Variants in GTF2A1 observed in about 807,000 individuals in gnomAD.
The protein encoded by GTF2A1 is transcription initiation factor IIA subunit 1.
In GTF2A1, 12 loss-of-function variants were observed where a neutral mutation model predicts 54.1. That is an observed-to-expected ratio of 0.22 (90% CI 0.14 to 0.36). GTF2A1 has a LOEUF of 0.36. GTF2A1 is among the 10% of genes least tolerant of loss of function. GTF2A1 has a pLI of 1.00. For synonymous variants in GTF2A1, 145 were observed against 152.0 expected (o/e 0.95, Z 0.34); for missense variants, 335 against 442.2 (o/e 0.76, Z 2.17).
intron 4 of GTF2A1, 32 bp from the exon 5 acceptor site, chr14:81,197,516 A>C: frequency 8.7e-7 from 1 of 1,152,314 alleles, no homozygotes; most frequent in Non-Finnish European, 1.3e-6. Context: ...TATCAAAACC[A>C]CATACATGTA....
At chr14:81,195,289 AAC>A (rs1457466352) in intron 6 of GTF2A1, among the ~76,000 whole-genome samples, 1 of 151,970 alleles carries the variant, frequency 6.6e-6, no homozygotes, top group African/African-American at 2.4e-5. Context: ...CTGAGAAAAA[AAC>A]AGTGTCAAAC....
chr14:81,213,421 G>C (rs1893416569), intron 2 of GTF2A1, among the ~76,000 whole-genome samples: 1 of 152,152 alleles, frequency 6.6e-6, no homozygotes, highest in Admixed American at 6.5e-5. Flanking sequence ...AAAAGCGAGA[G>C]TAGATAACAA....
intron 8 of GTF2A1, among the ~76,000 whole-genome samples, chr14:81,180,921 T>C (rs141056867): frequency 6.6e-6 from 1 of 152,360 alleles, no homozygotes; most frequent in African/African-American, 2.4e-5. Context: ...TGACATTTCT[T>C]ACATTATTTG....
At chr14:81,199,465 G>A (rs1172040974) in intron 4 of GTF2A1, among the ~76,000 whole-genome samples, 6 of 152,030 alleles carry the variant, frequency 3.9e-5, no homozygotes, top group African/African-American at 4.8e-5. Context: ...ATTATCTCAC[G>A]TTTTTATGAT....
chr14:81,201,675 G>C lies in GTF2A1; in HGVS notation c.338-17C>G, dbSNP rs751628572. On this transcript the variant is annotated splice_polypyrimidine_tract_variant and intron_variant, in intron 3 of 8. Transcript: ENST00000553612. ...GTGCTGTGGCTACAAAAAAACAAGC[G>C]AACATGCAAACAAGGAACCATGAGG... The C allele has an allele frequency of 6.3e-7, 1 of 1,582,276 alleles. No homozygotes were observed. The highest frequency in any genetic ancestry group is 8.7e-7 in the Non-Finnish European group (1 of 1,151,726).
At position 81,187,848 on chromosome 14, in the gene GTF2A1, T is replaced by G. The variant is rs1283193871; in HGVS notation, c.934-2228A>C. On this transcript the variant is annotated intron_variant, in intron 7 of 8. Coordinates refer to ENST00000553612, the MANE Select transcript of GTF2A1 (RefSeq NM_015859.4). ...GTTCTCTTGTGTATATATTTAAGAG[T>G]GGAACTGCTGGGTCATATGGATAAT... is the stretch of plus-strand genomic sequence containing the variant. Among the ~76,000 whole-genome samples the G allele has an allele frequency of 3.9e-5, 6 of 152,182 alleles. No homozygotes were observed. In the East Asian group the frequency reaches 1.2e-3, roughly 29 times the overall value.
chr14:81,213,582 A>G (rs1179252371), intron 2 of GTF2A1, among the ~76,000 whole-genome samples: 1 of 152,206 alleles, frequency 6.6e-6, no homozygotes, highest in Non-Finnish European at 1.5e-5. Flanking sequence ...CAAAAAACTC[A>G]TTCCACGTTA....
At chr14:81,206,097 A>G (rs1320215498) in intron 2 of GTF2A1, among the ~76,000 whole-genome samples, 3 of 152,210 alleles carry the variant, frequency 2.0e-5, no homozygotes, top group Admixed American at 2.0e-4. Flanking sequence ...TTTATGCTTC[A>G]CTTTTACCAC....
chr14:81,199,476 T>G (rs1893058345), intron 4 of GTF2A1, among the ~76,000 whole-genome samples: 1 of 152,238 alleles, frequency 6.6e-6, no homozygotes, highest in African/African-American at 2.4e-5. Flanking sequence ...TTTTTATGAT[T>G]AGTTCATTTC....
At chr14:81,214,384 G>T (rs12880377) in intron 2 of GTF2A1, among the ~76,000 whole-genome samples, 14,936 of 152,142 alleles carry the variant, frequency 0.098, 806 homozygotes, top group Middle Eastern at 0.17. Context: ...GGTGGCTCAT[G>T]TCTGTAATCC....
chr14:81,185,424 A>T, intron 8 of GTF2A1, 107 bp downstream of exon 8: 1 of 628,400 alleles, frequency 1.6e-6, no homozygotes, highest in Non-Finnish European at 2.9e-6. Flanking sequence ...TAATGAATTT[A>T]AGAGGCATGA....
At chr14:81,183,519 T>C (rs1467602394) in intron 8 of GTF2A1, among the ~76,000 whole-genome samples, 1 of 152,210 alleles carries the variant, frequency 6.6e-6, no homozygotes, top group Non-Finnish European at 1.5e-5. Context: ...TGTTGGGTAA[T>C]AAATGGTAAA....
chr14:81,196,277 T>C, intron 5 of GTF2A1, 36 bp from the exon 6 acceptor site: 2 of 1,610,004 alleles, frequency 1.2e-6, no homozygotes, highest in Non-Finnish European at 1.7e-6. Context: ...GTTATCATTT[T>C]AGCAGTGACC....
chr14:81,200,627 C>CAA (rs199661503), intron 4 of GTF2A1, among the ~76,000 whole-genome samples: 9 of 83,774 alleles, frequency 1.1e-4, no homozygotes, highest in East Asian at 3.2e-4. Context: ...ACTCCATCTT[C>CAA]AAAAAAAAAA....
At chr14:81,185,957 A>G (rs181029819) in intron 7 of GTF2A1, among the ~76,000 whole-genome samples, 1 of 152,142 alleles carries the variant, frequency 6.6e-6, no homozygotes, top group Non-Finnish European at 1.5e-5. Context: ...GCTTCGAGCA[A>G]TTCTCCTGCC....
Position 81,220,849 on chromosome 14 carries a change from G to C in GTF2A1, c.-331C>G. 1 of 288,010 alleles carries C rather than the reference G, an allele frequency of 3.5e-6. No homozygotes were observed. Among genetic ancestry groups the C allele is most frequent in the Non-Finnish European group, 6.4e-6 (1 of 155,780 alleles). 17.8% of individuals were successfully genotyped at this position (288,010 alleles called of 1,614,324 possible). A position where few individuals can be genotyped will look rare whatever the true frequency, so the allele number is the denominator to read the frequency against. On this transcript the variant is annotated 5_prime_UTR_variant, in exon 1 of 9. Coordinates refer to ENST00000553612, the MANE Select transcript of GTF2A1 (RefSeq NM_015859.4). ...GGTCACCGCTCCCTGCGCCGCCGCT[G>C]CCGCCACCGGCTGCAGCTCCAGCCG...
chr14:81,182,707 A>G (rs181183733), intron 8 of GTF2A1, among the ~76,000 whole-genome samples: 3 of 152,302 alleles, frequency 2.0e-5, no homozygotes, highest in South Asian at 2.1e-4. Flanking sequence ...AAATCAGTTC[A>G]TACCATTTGT....
At chr14:81,212,526 C>T (rs1172238605) in intron 2 of GTF2A1, among the ~76,000 whole-genome samples, 1 of 152,182 alleles carries the variant, frequency 6.6e-6, no homozygotes, top group Non-Finnish European at 1.5e-5. Flanking sequence ...CTCATTAACC[C>T]TCAAATTACA....
chr14:81,213,797 A>C (rs1458040096), intron 2 of GTF2A1, among the ~76,000 whole-genome samples: 2 of 151,136 alleles, frequency 1.3e-5, no homozygotes, highest in Non-Finnish European at 2.9e-5. Context: ...TCTGTTTCAC[A>C]CCTATATATT....
Sources: gnomAD v4.1 joint callset for allele counts (sites outside exome capture counted in the v4.1 genomes callset) on GRCh38, gnomAD v4.1.1 for gene constraint, MANE v1.5 for transcripts, NCBI Gene and HGNC (gene_info 2026-07-23, HGNC 2026-07-21) for gene names.